UGT1A4: variants seen among roughly 807,000 people sequenced by gnomAD.
UGT1A4 encodes UDP-glucuronosyltransferase 1A4.
Under a neutral mutation model 41.1 loss-of-function variants are expected in UGT1A4, and 32 were observed. The observed-to-expected ratio is 0.78, with a 90% confidence interval of 0.59 to 1.05. The LOEUF is 1.05. Among genes scored for constraint, UGT1A4 ranks in the 50% least tolerant of loss-of-function variants. The pLI is 0.00. For synonymous variants in UGT1A4, 283 were observed against 265.1 expected, an observed-to-expected ratio of 1.07 and a Z score of -0.66; for missense variants, 748 against 677.4, an observed-to-expected ratio of 1.10 and a Z score of -1.16.
rs541409164 is a variant in UGT1A4, at chr2:233,760,784, T to G, written c.868-6250T>G. ...CCCATCGTGGCCCAGTACCTGTCTC[T>G]GCCCACTGTATTCTTCTTGCATGCA... On this transcript the variant is annotated intron_variant, in intron 1 of 4. Transcript: ENST00000373409. 7 of 1,613,832 alleles carry G rather than the reference T, an allele frequency of 4.3e-6. No homozygotes were observed. In the East Asian group the frequency reaches 1.6e-4, roughly 36 times the overall value.
chr2:233,772,541 C>T lies in UGT1A4; in HGVS notation c.1587C>T (p.His529=), dbSNP rs1391662449. The T allele has an allele frequency of 1.2e-6, 2 of 1,613,996 alleles. No homozygotes were observed. Among genetic ancestry groups the T allele is most frequent in the Non-Finnish European group, 1.7e-6 (2 of 1,180,012 alleles). ...AAAAAGGGCGAGTTAAGAAAGCCCACAAATCCAAGACCCATTGAGAAGTGG... is the reference window on the plus strand; with the variant it reads ...AAAAAGGGCGAGTTAAGAAAGCCCATAAATCCAAGACCCATTGAGAAGTGG... The part of the protein sequence containing the change: ...LGKKGRVKKA[H]KSKTH The change falls in exon 5 of 5, where the codon CAC becomes CAT. Residue 529 remains histidine (H), a synonymous_variant. Transcript: ENST00000373409.
chr2:233,762,345 C>A (rs964115716), intron 1 of UGT1A4, among the ~76,000 whole-genome samples: 1 of 152,164 alleles, frequency 6.6e-6, no homozygotes, highest in Non-Finnish European at 1.5e-5. Flanking sequence ...CTTTTTAGTT[C>A]TTTGTACTCC....
At chr2:233,747,065 G>T (rs1693553512) in intron 1 of UGT1A4, 1 of 956,080 alleles carries the variant, frequency 1.0e-6, no homozygotes, top group Admixed American at 2.9e-5. Context: ...TGGTTAATCG[G>T]TAATAATTAA....
chr2:233,756,814 A>G (rs985210538), intron 1 of UGT1A4, among the ~76,000 whole-genome samples: 39 of 152,110 alleles, frequency 2.6e-4, no homozygotes, highest in Admixed American at 5.2e-4. Flanking sequence ...AGGTCACTCA[A>G]TTCCAAGGGG....
At chr2:233,749,443 T>C (rs551988322) in intron 1 of UGT1A4, among the ~76,000 whole-genome samples, 4 of 151,902 alleles carry the variant, frequency 2.6e-5, no homozygotes, top group Non-Finnish European at 5.9e-5. Flanking sequence ...GTCATCTCAG[T>C]GGAGCAGAAC....
intron 1 of UGT1A4, chr2:233,743,937 C>G (rs1692597235): frequency 7.4e-7 from 1 of 1,355,896 alleles, no homozygotes; most frequent in Non-Finnish European, 9.9e-7. Context: ...CAGAACGGCC[C>G]ACCAGGCACT....
At chr2:233,726,314 C>T (rs1182823767) in intron 1 of UGT1A4, among the ~76,000 whole-genome samples, 1 of 152,162 alleles carries the variant, frequency 6.6e-6, no homozygotes, top group Non-Finnish European at 1.5e-5. Context: ...GATCATTGAG[C>T]TCAGGAGTTT....
chr2:233,745,503 T>C (rs1023645979), intron 1 of UGT1A4, among the ~76,000 whole-genome samples: 6 of 151,616 alleles, frequency 4.0e-5, no homozygotes, highest in Admixed American at 6.6e-5. Flanking sequence ...AGATTTCCTA[T>C]AGGGTATTAG....
chr2:233,738,486 T>C (rs1260702507), intron 1 of UGT1A4, among the ~76,000 whole-genome samples: 1 of 152,220 alleles, frequency 6.6e-6, no homozygotes, highest in Non-Finnish European at 1.5e-5. Flanking sequence ...GGAGACTTGT[T>C]GAACGGTTTT....
chr2:233,768,916 T>A (rs1454588101), intron 4 of UGT1A4, among the ~76,000 whole-genome samples: 1 of 152,138 alleles, frequency 6.6e-6, no homozygotes, highest in African/African-American at 2.4e-5. Context: ...TAGAGGTTAT[T>A]ATTCACTTTA....
At position 233,772,771 on chromosome 2, in the gene UGT1A4, G is replaced by A. The variant is rs989549467; in HGVS notation, c.*212G>A. 1 of 1,323,730 alleles carries A rather than the reference G, an allele frequency of 7.6e-7. No individual in the cohort carries two copies. The highest frequency in any genetic ancestry group is 1.5e-5 in the African/African-American group (1 of 67,390). The allele number at this position is 1,323,730 out of a possible 1,614,324, so 82.0% of individuals were successfully genotyped here. On this transcript the variant is annotated 3_prime_UTR_variant, in exon 5 of 5. Coordinates refer to ENST00000373409, the MANE Select transcript of UGT1A4 (RefSeq NM_007120.3). ...TTTGAATATGTATCGTGCCCCCTCTGGTGTCTTTGATCAGGATGACATGTG... is the reference window on the plus strand; with the variant it reads ...TTTGAATATGTATCGTGCCCCCTCTAGTGTCTTTGATCAGGATGACATGTG...
At chr2:233,744,574 T>G (rs1165688532) in intron 1 of UGT1A4, among the ~76,000 whole-genome samples, 1 of 151,936 alleles carries the variant, frequency 6.6e-6, no homozygotes, top group Non-Finnish European at 1.5e-5. Context: ...AAGAGTGGCA[T>G]CGTTTTACAG....
intron 1 of UGT1A4, chr2:233,747,967 C>T: frequency 6.2e-7 from 1 of 1,613,484 alleles, no homozygotes; most frequent in Non-Finnish European, 8.5e-7. Flanking sequence ...CTCAGCCATG[C>T]ATCTGTGTGG....
At chr2:233,743,902 G>A (rs770691045) in intron 1 of UGT1A4, 7 of 1,366,518 alleles carry the variant, frequency 5.1e-6, no homozygotes, top group South Asian at 1.1e-5. Context: ...CCAGCACCTC[G>A]TAGTAGTCCA....
intron 1 of UGT1A4, among the ~76,000 whole-genome samples, chr2:233,745,147 T>C (rs1693024972): frequency 6.6e-6 from 1 of 151,864 alleles, no homozygotes; most frequent in Non-Finnish European, 1.5e-5. Flanking sequence ...CCCAAGTATA[T>C]GGAGGGTCAA....
chr2:233,720,871 A>ATT (rs60621337), intron 1 of UGT1A4, among the ~76,000 whole-genome samples: 47,878 of 132,580 alleles, frequency 0.36, 9,921 homozygotes, highest in African/African-American at 0.57. Context: ...GCTCCTGGCA[A>ATT]TTTTTTTTTT....
At chr2:233,730,331 T>C (rs1430644008) in intron 1 of UGT1A4, among the ~76,000 whole-genome samples, 1 of 152,142 alleles carries the variant, frequency 6.6e-6, no homozygotes, top group African/African-American at 2.4e-5. Flanking sequence ...GACACTACGT[T>C]TGGAACTGAT....
intron 1 of UGT1A4, among the ~76,000 whole-genome samples, chr2:233,758,056 A>C (rs1696785048): frequency 6.6e-6 from 1 of 152,062 alleles, no homozygotes; most frequent in Non-Finnish European, 1.5e-5. Context: ...GACCATTTCT[A>C]ACTTGACTTT....
chr2:233,747,974 G>T lies in UGT1A4; in HGVS notation c.868-19060G>T, dbSNP rs1693825544. On this transcript the variant is annotated intron_variant, in intron 1 of 4. Coordinates refer to ENST00000373409, the MANE Select transcript of UGT1A4 (RefSeq NM_007120.3). ...TGGATCTTCTCAGCCATGCATCTGT[G>T]TGGCTGTTCCGAGGGGACTTTGTGA... 4 of 1,613,452 alleles carry T rather than the reference G, an allele frequency of 2.5e-6. No homozygotes were observed. The South Asian group carries it at 4.4e-5, about 18-fold the overall frequency.
Sources: allele counts gnomAD v4.1 joint callset (sites outside exome capture counted in the v4.1 genomes callset), GRCh38; gene constraint gnomAD v4.1.1; transcripts MANE v1.5; gene names NCBI Gene and HGNC (gene_info 2026-07-23, HGNC 2026-07-21).